The following DLG2 variants were observed in gnomAD, a reference collection of about 807,000 sequenced individuals.
DLG2 encodes disks large homolog 2.
DLG2 carries 45 observed loss-of-function variants against 132.5 expected under a neutral mutation model. The ratio of observed to expected loss-of-function variants is 0.34; its 90% CI spans 0.27 to 0.44. The LOEUF (loss-of-function observed/expected upper bound fraction) is 0.44, where lower values mean the gene tolerates loss of function less well. Among genes scored for constraint, DLG2 ranks in the 20% least tolerant of loss-of-function variants. The probability of loss-of-function intolerance (pLI) is 1.00; values close to 1 mark genes in which losing one functional copy is unlikely to be tolerated. For synonymous variants in DLG2, 424 were observed against 419.6 expected (o/e 1.01, Z -0.13); for missense variants, 1,045 against 1,196.9 (o/e 0.87, Z 1.87).
At chr11:83,794,838 T>C (rs1050680091) in intron 17 of DLG2, among the ~76,000 whole-genome samples, 1 of 152,140 alleles carries the variant, frequency 6.6e-6, no homozygotes, top group Non-Finnish European at 1.5e-5. Context: ...TAATTTAATA[T>C]CCTGTCTAAT....
intron 8 of DLG2, among the ~76,000 whole-genome samples, chr11:84,242,349 T>A (rs1210564342): frequency 6.6e-6 from 1 of 152,146 alleles, no homozygotes; most frequent in Non-Finnish European, 1.5e-5. Context: ...CTGTTGGTTT[T>A]TTTTTGTTTT....
intron 4 of DLG2, among the ~76,000 whole-genome samples, chr11:85,194,512 G>A (rs2080881399): frequency 6.6e-6 from 1 of 152,014 alleles, no homozygotes; most frequent in African/African-American, 2.4e-5. Context: ...GCTGCAATAT[G>A]AATATAAAGA....
At chr11:83,510,880 A>G (rs1295976601) in intron 21 of DLG2, among the ~76,000 whole-genome samples, 3 of 123,806 alleles carry the variant, frequency 2.4e-5, no homozygotes, top group Non-Finnish European at 4.7e-5. Context: ...ATTGCTTGCT[A>G]AACTTGGAAT....
intron 11 of DLG2, among the ~76,000 whole-genome samples, chr11:84,022,841 C>A (rs1593285733): frequency 6.6e-6 from 1 of 151,848 alleles, no homozygotes; most frequent in Non-Finnish European, 1.5e-5. Context: ...AAGGTGGTAG[C>A]CAAAATGTTA....
chr11:84,771,107 T>A (rs1259792649), intron 6 of DLG2, among the ~76,000 whole-genome samples: 2 of 152,194 alleles, frequency 1.3e-5, no homozygotes, highest in African/African-American at 4.8e-5. Context: ...TATAACAGAA[T>A]AATTTATATT....
intron 3 of DLG2, among the ~76,000 whole-genome samples, chr11:85,542,599 C>A (rs770559158): frequency 2.6e-5 from 4 of 152,104 alleles, no homozygotes; most frequent in Non-Finnish European, 5.9e-5. Flanking sequence ...TACAAAGAAT[C>A]CTGACTTGTT....
intron 7 of DLG2, among the ~76,000 whole-genome samples, chr11:84,463,068 C>T (rs1472661081): frequency 6.6e-6 from 1 of 151,174 alleles, no homozygotes; most frequent in Non-Finnish European, 1.5e-5. Flanking sequence ...AAAGAAATCT[C>T]TGAGCCAGCA....
intron 6 of DLG2, among the ~76,000 whole-genome samples, chr11:84,949,906 G>T (rs2050705614): frequency 6.6e-6 from 1 of 152,210 alleles, no homozygotes; most frequent in African/African-American, 2.4e-5. Context: ...CTGGGGAAGT[G>T]ATAAGTGTCC....
chr11:85,369,461 C>T (rs974886353), intron 3 of DLG2, among the ~76,000 whole-genome samples: 1 of 151,924 alleles, frequency 6.6e-6, no homozygotes, highest in African/African-American at 2.4e-5. Context: ...CAGCAGTTAA[C>T]CTTTAACTTT....
chr11:83,945,887 T>C (rs1373325138), intron 14 of DLG2, among the ~76,000 whole-genome samples: 1 of 151,650 alleles, frequency 6.6e-6, no homozygotes, highest in African/African-American at 2.4e-5. Context: ...CTGTTACTTC[T>C]GGTAACATGA....
intron 21 of DLG2, among the ~76,000 whole-genome samples, chr11:83,500,131 T>C (rs751617563): frequency 3.3e-5 from 5 of 151,916 alleles, no homozygotes; most frequent in African/African-American, 4.8e-5. Context: ...CACTGTCACA[T>C]TGCCTTAGTA....
chr11:84,567,462 T>C (rs867341595), intron 6 of DLG2, among the ~76,000 whole-genome samples: 5 of 152,224 alleles, frequency 3.3e-5, no homozygotes, highest in African/African-American at 9.6e-5. Context: ...GATCCCTTGA[T>C]GGATCCTCAA....
intron 10 of DLG2, among the ~76,000 whole-genome samples, chr11:84,094,021 G>A (rs974089162): frequency 6.6e-5 from 10 of 151,430 alleles, no homozygotes; most frequent in Middle Eastern, 3.4e-3. Context: ...TGCACATTGT[G>A]CAGGTTAGTT....
chr11:83,985,155 G>T (rs1225762367), intron 11 of DLG2, among the ~76,000 whole-genome samples: 6 of 151,980 alleles, frequency 3.9e-5, no homozygotes, highest in Non-Finnish European at 8.8e-5. Context: ...TTCTTGCATA[G>T]ACTCTGTTAA....
rs201974720 is a variant in DLG2 at position 83,984,678 on chromosome 11, AT to A, written c.920-4037del. ...AGCACGGCCAAAGTAAATGTAAAGA[AT>A]TTTTTTTCCATTTTTAATTTTTAGT... is the stretch of plus-strand genomic sequence containing the variant. On this transcript the variant is annotated intron_variant, in intron 11 of 27. Transcript: ENST00000376104. 3.1e-3 allele frequency among the ~76,000 whole-genome samples: 466 copies of A among 152,034 alleles called. 1 individual carries two copies. The highest frequency in any genetic ancestry group is 0.011 in the African/African-American group (439 of 41,488).
chr11:84,277,080 G>C (rs990170519), intron 7 of DLG2, among the ~76,000 whole-genome samples: 1 of 152,076 alleles, frequency 6.6e-6, no homozygotes, highest in Non-Finnish European at 1.5e-5. Context: ...AGACAGAATT[G>C]GTTTGCTGGG....
intron 6 of DLG2, chr11:84,546,640 C>T (rs1592061114): frequency 3.8e-6 from 2 of 529,740 alleles, no homozygotes; most frequent in Non-Finnish European, 7.3e-6. Context: ...AGGGCTGCAT[C>T]CACCTCCTCC....
chr11:85,279,531 G>T (rs1369942171), intron 4 of DLG2, among the ~76,000 whole-genome samples: 1 of 151,860 alleles, frequency 6.6e-6, no homozygotes, highest in Non-Finnish European at 1.5e-5. Flanking sequence ...CTCCTTTAAG[G>T]TTCCCTTTCC....
In DLG2 at chr11:83,458,626, C is replaced by T. The variant is rs1390473468; in HGVS notation, c.*1192G>A. 6.6e-6 allele frequency: 1 copy of T among 152,214 alleles called. No homozygotes were observed. The highest frequency in any genetic ancestry group is 1.5e-5 in the Non-Finnish European group (1 of 68,032). 9.4% of individuals were successfully genotyped at this position (152,214 alleles called of 1,614,324 possible). Reference sequence around the variant, plus strand: ...CAAAAAGGTACTAATCCTAATTACTCATTGTTGGCCAAAATGCTAAATGGT... The same window carrying T: ...CAAAAAGGTACTAATCCTAATTACTTATTGTTGGCCAAAATGCTAAATGGT... On this transcript the variant is annotated 3_prime_UTR_variant, in exon 28 of 28. Transcript: ENST00000376104.
Sources: allele counts gnomAD v4.1 joint callset (sites outside exome capture counted in the v4.1 genomes callset), GRCh38; gene constraint gnomAD v4.1.1; transcripts MANE v1.5; gene names NCBI Gene and HGNC (gene_info 2026-07-23, HGNC 2026-07-21).